Variants in ZNF385D observed in about 807,000 individuals in gnomAD.
The protein encoded by ZNF385D is zinc finger protein 659.
A neutral mutation model predicts 35.8 loss-of-function variants in ZNF385D; 15 were observed. The ratio of observed to expected loss-of-function variants is 0.42; its 90% CI spans 0.28 to 0.64. ZNF385D has a LOEUF of 0.64. Ranked by LOEUF, ZNF385D falls within the 30% of genes least tolerant of loss-of-function variation. The pLI, the probability that ZNF385D is intolerant of heterozygous loss-of-function variation, is 0.23. For synonymous variants in ZNF385D, 212 were observed against 186.8 expected (o/e 1.13, Z -1.10); for missense variants, 474 against 494.6 (o/e 0.96, Z 0.39).
At chr3:21,866,493 G>A (rs992965168) in intron 3 of ZNF385D, among the ~76,000 whole-genome samples, 1 of 152,040 alleles carries the variant, frequency 6.6e-6, no homozygotes. Context: ...TGAGGGCACC[G>A]CTATTGATCT....
At chr3:22,014,082 G>A (rs7636441) in intron 3 of ZNF385D, among the ~76,000 whole-genome samples, 1 of 151,970 alleles carries the variant, frequency 6.6e-6, no homozygotes, top group South Asian at 2.1e-4. Context: ...GAAAATAAAT[G>A]TATAATTTAT....
rs75496701 is a variant in ZNF385D at position 22,269,152 on chromosome 3, T to C, written c.107-100117A>G. Among the ~76,000 whole-genome samples the C allele has an allele frequency of 2.0e-3, 311 of 152,084 alleles. 1 individual carries two copies. The highest frequency in any genetic ancestry group is 7.3e-3 in the African/African-American group (302 of 41,546). On this transcript the variant is annotated intron_variant, in intron 2 of 5. Transcript: ENST00000494108. ...TATATCTGTATGCATAACATCATTC[T>C]AAATTCCCAAGGGCCAAGCCTGAGA... is the stretch of plus-strand genomic sequence containing the variant.
In ZNF385D at chr3:22,160,959, T is replaced by C. The variant is rs191811304; in HGVS notation, c.325+7858A>G. Among the ~76,000 whole-genome samples the C allele has an allele frequency of 3.3e-5, 5 of 152,234 alleles. 1 individual carries two copies. Among genetic ancestry groups the C allele is most frequent in the Admixed American group, 3.3e-4 (5 of 15,272 alleles). On this transcript the variant is annotated intron_variant, in intron 3 of 5. Coordinates refer to the ZNF385D transcript ENST00000494108. ...TAAACATCCTAAAAGTTATGCCCCT[T>C]GTAATATGTCTTTCAAAATGCTGCT...
At chr3:21,905,205 C>CAAAAAAAAAAAAAAAAAAAAA (rs63147760) in intron 3 of ZNF385D, among the ~76,000 whole-genome samples, 1 of 69,726 alleles carries the variant, frequency 1.4e-5, no homozygotes, top group Non-Finnish European at 2.7e-5. Flanking sequence ...ACAAAAAATC[C>CAAAAAAAAAAAAAAAAAAAAA]AAAAAAAAAA....
Position 21,690,707 on chromosome 3 carries a change from G to A in ZNF385D, c.23-25679C>T, listed in dbSNP as rs77228994. 7.4e-4 allele frequency among the ~76,000 whole-genome samples: 112 copies of A among 152,242 alleles called. 1 individual carries two copies. The East Asian group carries it at 0.02, about 27-fold the overall frequency. ...AAAGTATGATCCCCAGGCCAGCAGC[G>A]TCAACATCAAATGGGATCGTGTTAG... On this transcript the variant is annotated intron_variant, in intron 1 of 7. Transcript: ENST00000281523.
chr3:22,326,897 G>C (rs9845701), intron 2 of ZNF385D, among the ~76,000 whole-genome samples: 35,615 of 152,090 alleles, frequency 0.23, 4,806 homozygotes, highest in Non-Finnish European at 0.31. Flanking sequence ...AGGAAAGCAA[G>C]TTGATAAAAG....
At chr3:22,015,650 G>T (rs190491) in intron 3 of ZNF385D, among the ~76,000 whole-genome samples, 56,954 of 151,940 alleles carry the variant, frequency 0.37, 11,253 homozygotes, top group South Asian at 0.52. Flanking sequence ...TTTCTTGTTT[G>T]TTTCTAACAA....
At chr3:21,504,578 C>T (rs1160892748) in intron 4 of ZNF385D, among the ~76,000 whole-genome samples, 1 of 152,082 alleles carries the variant, frequency 6.6e-6, no homozygotes, top group Non-Finnish European at 1.5e-5. Context: ...GGCATGCCCT[C>T]TAGCAATGAG....
At chr3:22,216,223 T>C (rs533256924) in intron 2 of ZNF385D, among the ~76,000 whole-genome samples, 42 of 152,076 alleles carry the variant, frequency 2.8e-4, no homozygotes, top group Non-Finnish European at 4.6e-4. Context: ...TAATAAAACA[T>C]TTTTATACTC....
At chr3:21,785,794 G>GACACTTTTGTTTCATGGAGAA (rs2071665145) in intron 3 of ZNF385D, among the ~76,000 whole-genome samples, 1 of 152,240 alleles carries the variant, frequency 6.6e-6, no homozygotes, top group South Asian at 2.1e-4. Context: ...AGGTAAATAG[G>GACACTTTTGTTTCATGGAGAA]ACACTTTTGT....
chr3:22,165,185 T>A (rs1315156808), intron 3 of ZNF385D, among the ~76,000 whole-genome samples: 1 of 152,192 alleles, frequency 6.6e-6, no homozygotes, highest in African/African-American at 2.4e-5. Context: ...TTGATGTAGG[T>A]TAATCAGTTG....
At chr3:21,430,492 C>T (rs7640327) in intron 5 of ZNF385D, among the ~76,000 whole-genome samples, 45,815 of 151,952 alleles carry the variant, frequency 0.3, 7,338 homozygotes, top group East Asian at 0.44. Context: ...CAGGGAAGAG[C>T]TCTGCAGGCT....
intron 4 of ZNF385D, among the ~76,000 whole-genome samples, chr3:21,447,312 C>T (rs1028246718): frequency 2.0e-5 from 3 of 152,028 alleles, no homozygotes; most frequent in Non-Finnish European, 2.9e-5. Context: ...ACTGCCTTTT[C>T]ATGCTTCTAA....
At chr3:21,905,711 T>C (rs888148538) in intron 3 of ZNF385D, among the ~76,000 whole-genome samples, 2 of 148,196 alleles carry the variant, frequency 1.3e-5, no homozygotes, top group Admixed American at 6.7e-5. Flanking sequence ...TATATATATA[T>C]TCAGTTCAAC....
chr3:22,109,754 C>G (rs192731174), intron 3 of ZNF385D, among the ~76,000 whole-genome samples: 1 of 152,134 alleles, frequency 6.6e-6, no homozygotes, highest in Admixed American at 6.5e-5. Context: ...AAAGCAATGG[C>G]AAAGAAAGCC....
At chr3:22,317,515 T>C (rs1703968217) in intron 2 of ZNF385D, among the ~76,000 whole-genome samples, 1 of 152,014 alleles carries the variant, frequency 6.6e-6, no homozygotes, top group Non-Finnish European at 1.5e-5. Flanking sequence ...AAAACCACCT[T>C]TGATGCTGTG....
chr3:21,496,119 A>G (rs1056395115), intron 4 of ZNF385D, among the ~76,000 whole-genome samples: 1 of 152,008 alleles, frequency 6.6e-6, no homozygotes, highest in Non-Finnish European at 1.5e-5. Flanking sequence ...TACCAGATGT[A>G]TAAAGATGAG....
At chr3:21,810,824 T>C (rs1230178347) in intron 3 of ZNF385D, among the ~76,000 whole-genome samples, 2 of 151,966 alleles carry the variant, frequency 1.3e-5, no homozygotes, top group Non-Finnish European at 2.9e-5. Context: ...ACATAGGACT[T>C]TGAGTATACA....
At chr3:21,784,589 A>C (rs2071613859) in intron 3 of ZNF385D, among the ~76,000 whole-genome samples, 1 of 152,088 alleles carries the variant, frequency 6.6e-6, no homozygotes, top group Non-Finnish European at 1.5e-5. Flanking sequence ...TTGGACACAA[A>C]ATTTAGAGGG....
Sources: allele counts gnomAD v4.1 joint callset (sites outside exome capture counted in the v4.1 genomes callset), GRCh38; gene constraint gnomAD v4.1.1; transcripts MANE v1.5; gene names NCBI Gene and HGNC (gene_info 2026-07-23, HGNC 2026-07-21).